Variants in CEP112 observed in about 807,000 individuals in gnomAD.
CEP112 encodes the protein centrosomal protein of 112 kDa.
CEP112 carries 127 observed loss-of-function variants against 153.0 expected under a neutral mutation model. The ratio of observed to expected loss-of-function variants is 0.83; its 90% CI spans 0.72 to 0.96. CEP112 has a LOEUF of 0.96. CEP112 is among the 40% of genes least tolerant of loss of function. The pLI is 0.00. For synonymous variants in CEP112, 358 were observed against 374.4 expected (o/e 0.96, Z 0.51); for missense variants, 1,089 against 1,101.2 (o/e 0.99, Z 0.16).
At chr17:66,072,705 A>G (rs1205448587) in intron 8 of CEP112, among the ~76,000 whole-genome samples, 2 of 152,206 alleles carry the variant, frequency 1.3e-5, no homozygotes, top group Non-Finnish European at 2.9e-5. Flanking sequence ...TCTAAGGGTA[A>G]TATTACAAAG....
At chr17:66,110,895 C>T (rs2069007435) in intron 6 of CEP112, among the ~76,000 whole-genome samples, 1 of 152,028 alleles carries the variant, frequency 6.6e-6, no homozygotes. Flanking sequence ...TGCACATCTG[C>T]ACAGCAAAAG....
chr17:65,862,424 T>C (rs2058340413), intron 20 of CEP112, among the ~76,000 whole-genome samples: 1 of 152,054 alleles, frequency 6.6e-6, no homozygotes, highest in Admixed American at 6.5e-5. Context: ...CCATCTATAC[T>C]AAAAATACAA....
chr17:66,102,103 T>C (rs2068590416), intron 6 of CEP112, among the ~76,000 whole-genome samples: 1 of 152,054 alleles, frequency 6.6e-6, no homozygotes, highest in South Asian at 2.1e-4. Context: ...AATCTGAGAG[T>C]ACATAAGTAA....
At chr17:65,824,673 A>C (rs907787160) in intron 21 of CEP112, among the ~76,000 whole-genome samples, 1 of 152,192 alleles carries the variant, frequency 6.6e-6, no homozygotes, top group South Asian at 2.1e-4. Flanking sequence ...CAGAGGGGAA[A>C]ATGTGTGTGA....
intron 8 of CEP112, among the ~76,000 whole-genome samples, chr17:66,081,667 A>G (rs1260185846): frequency 6.6e-6 from 1 of 151,452 alleles, no homozygotes; most frequent in Non-Finnish European, 1.5e-5. Flanking sequence ...CTGTAATCCC[A>G]GCACTCCGGG....
chr17:66,173,252 T>C (rs1357123642), intron 4 of CEP112, among the ~76,000 whole-genome samples: 1 of 152,218 alleles, frequency 6.6e-6, no homozygotes, highest in South Asian at 2.1e-4. Flanking sequence ...CATGAAGGCA[T>C]ATGCTAAGGG....
At chr17:65,729,961 T>G (rs1384808455) in intron 23 of CEP112, among the ~76,000 whole-genome samples, 1 of 152,042 alleles carries the variant, frequency 6.6e-6, no homozygotes, top group African/African-American at 2.4e-5. Context: ...AAAAACCAAT[T>G]AACCATATAT....
chr17:65,861,994 T>C (rs1461616389), intron 20 of CEP112, among the ~76,000 whole-genome samples: 1 of 152,228 alleles, frequency 6.6e-6, no homozygotes, highest in Non-Finnish European at 1.5e-5. Context: ...CAATGGAATA[T>C]TATATACAGC....
chr17:65,844,554 G>T (rs889705156), intron 21 of CEP112, among the ~76,000 whole-genome samples: 1 of 151,616 alleles, frequency 6.6e-6, no homozygotes, highest in Non-Finnish European at 1.5e-5. Flanking sequence ...ATGTGGTGGC[G>T]CATGCCTGTA....
At chr17:65,898,561 T>C (rs752873136) in intron 20 of CEP112, among the ~76,000 whole-genome samples, 1 of 152,146 alleles carries the variant, frequency 6.6e-6, no homozygotes, top group African/African-American at 2.4e-5. Flanking sequence ...GTCCATTTAT[T>C]ATGTAAAAAT....
intron 18 of CEP112, among the ~76,000 whole-genome samples, chr17:65,953,884 G>A (rs1359682166): frequency 6.6e-6 from 1 of 152,086 alleles, no homozygotes. Flanking sequence ...CCTGGTATCA[G>A]AAGACAAAAA....
chr17:66,045,447 TAAACTGGTATGACCACTTTG>T (rs1342012816), intron 12 of CEP112, among the ~76,000 whole-genome samples: 2 of 152,182 alleles, frequency 1.3e-5, no homozygotes, highest in Non-Finnish European at 2.9e-5. Context: ...AGCAGTGCCA[TAAACTGGTATGACCACTTTG>T]AAAAGCTTAC....
intron 4 of CEP112, among the ~76,000 whole-genome samples, chr17:66,157,949 A>G (rs1293157943): frequency 6.6e-6 from 1 of 152,194 alleles, no homozygotes; most frequent in African/African-American, 2.4e-5. Flanking sequence ...GGAGACTTTA[A>G]CAGCCCACTG....
intron 8 of CEP112, among the ~76,000 whole-genome samples, chr17:66,087,366 G>T (rs542760664): frequency 6.6e-6 from 1 of 151,974 alleles, no homozygotes; most frequent in South Asian, 2.1e-4. Flanking sequence ...TCAACAGTAA[G>T]AATTAATACA....
intron 20 of CEP112, among the ~76,000 whole-genome samples, chr17:65,879,920 A>G (rs1214038778): frequency 6.6e-6 from 1 of 151,910 alleles, no homozygotes; most frequent in Non-Finnish European, 1.5e-5. Context: ...AAGCCCAGAA[A>G]AGACAATAAA....
intron 20 of CEP112, among the ~76,000 whole-genome samples, chr17:65,900,333 A>G (rs1219719752): frequency 6.6e-6 from 1 of 152,202 alleles, no homozygotes; most frequent in African/African-American, 2.4e-5. Flanking sequence ...GAGAAATACA[A>G]TCCTAAATTA....
At chr17:65,870,759 A>G (rs950643941) in intron 20 of CEP112, among the ~76,000 whole-genome samples, 3 of 152,240 alleles carry the variant, frequency 2.0e-5, no homozygotes, top group African/African-American at 7.2e-5. Context: ...GCATCTAGAA[A>G]CACCTAAAGT....
At chr17:65,915,102 C>G (rs1353612515) in intron 19 of CEP112, among the ~76,000 whole-genome samples, 1 of 152,162 alleles carries the variant, frequency 6.6e-6, no homozygotes, top group Non-Finnish European at 1.5e-5. Context: ...GTTGTTCCTT[C>G]TCAGTCTCTT....
chr17:65,693,999 G>T (rs2048245070), intron 23 of CEP112, among the ~76,000 whole-genome samples: 1 of 152,156 alleles, frequency 6.6e-6, no homozygotes, highest in Admixed American at 6.5e-5. Flanking sequence ...AGCCTCCAGA[G>T]CTATGGGAAA....
Sources: allele counts gnomAD v4.1 joint callset (sites outside exome capture counted in the v4.1 genomes callset), GRCh38; gene constraint gnomAD v4.1.1; transcripts MANE v1.5; gene names NCBI Gene and HGNC (gene_info 2026-07-23, HGNC 2026-07-21).